The following PLEKHG5 variants were observed in gnomAD, a reference collection of about 807,000 sequenced individuals.
PLEKHG5 encodes the protein pleckstrin homology and RhoGEF domain containing G5.
A neutral mutation model predicts 103.8 loss-of-function variants in PLEKHG5; 52 were observed. That is an observed-to-expected ratio of 0.50 (90% CI 0.40 to 0.63). The LOEUF is 0.63. Among genes scored for constraint, PLEKHG5 ranks in the 30% least tolerant of loss-of-function variants. The pLI is 0.00. For synonymous variants in PLEKHG5, 592 were observed against 575.5 expected (o/e 1.03, Z -0.41); for missense variants, 1,205 against 1,347.6 (o/e 0.89, Z 1.66).
At chr1:6,519,712 C>T in exon 1 of PLEKHG5, 1 of 626,672 alleles carries the variant, frequency 1.6e-6, no homozygotes, top group East Asian at 2.7e-5. Context: ...CGCTCTCAGC[C>T]CTGCCAATTT....
At chr1:6,502,686 T>C (rs538815617) in intron 1 of PLEKHG5, among the ~76,000 whole-genome samples, 1 of 151,790 alleles carries the variant, frequency 6.6e-6, no homozygotes, top group South Asian at 2.1e-4. Context: ...AGCTATGAGA[T>C]CCCAATTCCC....
At position 6,467,969 on chromosome 1, in the gene PLEKHG5, C is replaced by T. The variant is rs773530688; in HGVS notation, c.2867G>A (p.Arg956Lys). The T allele has an allele frequency of 1.3e-5, 20 of 1,562,712 alleles. No individual in the cohort carries two copies. The Middle Eastern group carries it at 1.2e-3, about 98-fold the overall frequency. Reference protein sequence around the residue: ...AGEPAGSHRKRCGDLPSGASP... With the variant: ...AGEPAGSHRKKCGDLPSGASP... ...GGCCCCCGAGGGCAGGTCTCCACAC[C>T]TCTTCCTGTGGGAGCCTGCAGGTTC... The change falls in exon 20 of 21, where the codon AGG becomes AAG. Residue 956 changes from arginine (R) to lysine (K), a missense_variant. Physicochemically the swap from Arg to Lys is conservative, Grantham distance 26 (BLOSUM62 2). Coordinates refer to ENST00000377728, the MANE Select transcript of PLEKHG5 (RefSeq NM_020631.6).
At chr1:6,489,287 C>T (rs1272793568) in intron 1 of PLEKHG5, among the ~76,000 whole-genome samples, 2 of 152,208 alleles carry the variant, frequency 1.3e-5, no homozygotes, top group Admixed American at 6.5e-5. Flanking sequence ...ACGCTCCACC[C>T]GGCCTACCCA....
At chr1:6,485,448 G>A (rs1645007759) in intron 1 of PLEKHG5, 1 of 1,262,000 alleles carries the variant, frequency 7.9e-7, no homozygotes, top group Non-Finnish European at 1.0e-6. Flanking sequence ...CCCCATGGCG[G>A]CCGGAGGAAG....
chr1:6,497,259 G>T, upstream of PLEKHG5: 1 of 898,640 alleles, frequency 1.1e-6, no homozygotes, highest in South Asian at 1.4e-5. The surrounding 1 kb of genome is among the most constrained non-coding windows in gnomAD (Gnocchi z 6.1). Flanking sequence ...GAGGAGGTTA[G>T]GAGCCGGCCC....
chr1:6,508,045 G>A (rs1005711202), intron 1 of PLEKHG5, among the ~76,000 whole-genome samples: 4 of 152,182 alleles, frequency 2.6e-5, no homozygotes, highest in Non-Finnish European at 5.9e-5. Context: ...TCTTTGTCTG[G>A]GCTTGGTGGG....
At chr1:6,491,738 TC>T, upstream of PLEKHG5, 1 of 970,958 alleles carries the variant, frequency 1.0e-6, no homozygotes, top group Non-Finnish European at 1.2e-6. This position sits in a 1 kb window ranked among gnomAD's most constrained non-coding sequence, Gnocchi z 4.1. Context: ...CCCTGACTCA[TC>T]CCTGCCACCT....
Position 6,490,538 on chromosome 1 carries a change from G to A in PLEKHG5, c.-88+1099C>T. 1.0e-6 allele frequency: 1 copy of A among 985,474 alleles called. No individual in the cohort carries two copies. Among genetic ancestry groups the A allele is most frequent in the Non-Finnish European group, 1.2e-6 (1 of 829,972 alleles). The allele number at this position is 985,474 out of a possible 1,614,324, so 61.0% of individuals were successfully genotyped here. A position where few individuals can be genotyped will look rare whatever the true frequency, so the allele number is the denominator to read the frequency against. ...CCTCATGGGGCGCGCGGGGAGAGGGGGACGGGAGCCGCGGGACGGGCTCAG... is the reference window on the plus strand; with the variant it reads ...CCTCATGGGGCGCGCGGGGAGAGGGAGACGGGAGCCGCGGGACGGGCTCAG... On this transcript the variant is annotated intron_variant, in intron 1 of 20. Transcript: ENST00000377728. The surrounding 1 kb of genome is among the most constrained non-coding windows in gnomAD (Gnocchi z 8.0).
At chr1:6,509,616 C>T (rs1638420379) in intron 1 of PLEKHG5, among the ~76,000 whole-genome samples, 2 of 152,184 alleles carry the variant, frequency 1.3e-5, no homozygotes, top group Admixed American at 1.3e-4. Flanking sequence ...CTCCACGGGC[C>T]CCTGAACATC....
At chr1:6,471,888 G>T in intron 10 of PLEKHG5, 80 bp from the exon 11 acceptor site, 1 of 1,375,724 alleles carries the variant, frequency 7.3e-7, no homozygotes, top group South Asian at 1.2e-5. Context: ...AGGCTCCCCT[G>T]CCACTCCTTC....
At chr1:6,485,181 C>T in intron 1 of PLEKHG5, 1 of 532,334 alleles carries the variant, frequency 1.9e-6, no homozygotes, top group Non-Finnish European at 2.9e-6. Flanking sequence ...GGGGGCTCGG[C>T]CGCCATGGGC....
Position 6,474,374 on chromosome 1 carries a change from T to C in PLEKHG5, c.439+77A>G, listed in dbSNP as rs1228180280. 4.5e-6 allele frequency: 7 copies of C among 1,545,298 alleles called. No homozygotes were observed. In the East Asian group the frequency reaches 1.6e-4, roughly 36 times the overall value. On this transcript the variant is annotated intron_variant, in intron 6 of 20. Transcript: ENST00000377728. ...CTCAGGCCCACGACCAATGGGAACC[T>C]GAGCCTGGGAAGGGCGCCCATCTCC...
At chr1:6,518,211 T>C (rs551801750) in intron 1 of PLEKHG5, among the ~76,000 whole-genome samples, 43 of 150,574 alleles carry the variant, frequency 2.9e-4, no homozygotes, top group African/African-American at 8.7e-4. Flanking sequence ...GGATTACAGG[T>C]GTGAGCCACT....
chr1:6,480,246 T>C (rs1644864488), intron 1 of PLEKHG5, among the ~76,000 whole-genome samples: 1 of 151,724 alleles, frequency 6.6e-6, no homozygotes, highest in African/African-American at 2.4e-5. Flanking sequence ...ATATAAAAAA[T>C]TGCCAGGCAC....
Position 6,476,543 on chromosome 1 carries a change from G to A in PLEKHG5, c.44-507C>T, listed in dbSNP as rs535551899. Among the ~76,000 whole-genome samples the A allele has an allele frequency of 1.2e-4, 19 of 152,232 alleles. No homozygotes were observed. In the South Asian group the frequency reaches 3.9e-3, roughly 32 times the overall value. On this transcript the variant is annotated intron_variant, in intron 2 of 20. Transcript: ENST00000377728. ...GACCCAAAAGGACACAAAGGCCCTG[G>A]GATGACACCCATGGTGAAGCTCCAC...
chr1:6,488,191 G>C (rs568833541), intron 1 of PLEKHG5, among the ~76,000 whole-genome samples: 1 of 152,206 alleles, frequency 6.6e-6, no homozygotes, highest in Non-Finnish European at 1.5e-5. Flanking sequence ...ACCCCATCGT[G>C]GGAGTTCCAG....
At chr1:6,492,563 A>G (rs1031706597), upstream of PLEKHG5, among the ~76,000 whole-genome samples, 4 of 152,056 alleles carry the variant, frequency 2.6e-5, no homozygotes, top group African/African-American at 9.7e-5. Flanking sequence ...GGGCACACCC[A>G]AAGTCTAGAG....
intron 1 of PLEKHG5, among the ~76,000 whole-genome samples, chr1:6,512,429 T>C (rs148073265): frequency 9.6e-4 from 146 of 152,194 alleles, no homozygotes; most frequent in African/African-American, 3.3e-3. Context: ...TCGAGCCCAC[T>C]GGCATGGGCC....
chr1:6,471,471 C>T lies in PLEKHG5; in HGVS notation c.1281+17G>A. 1 of 1,607,298 alleles carries T rather than the reference C, an allele frequency of 6.2e-7. No homozygotes were observed. Among genetic ancestry groups the T allele is most frequent in the Non-Finnish European group, 8.5e-7 (1 of 1,177,658 alleles). On this transcript the variant is annotated intron_variant, in intron 12 of 20. Transcript: ENST00000377728. ...CCCTGCCTCAGTGCCCCCGCCTGCGCCCGGCCCCGCCCGTACCATCTTGAA... is the reference window on the plus strand; with the variant it reads ...CCCTGCCTCAGTGCCCCCGCCTGCGTCCGGCCCCGCCCGTACCATCTTGAA...
Sources: gnomAD v4.1 joint callset for allele counts (sites outside exome capture counted in the v4.1 genomes callset) on GRCh38, gnomAD v4.1.1 for gene constraint, Gnocchi (gnomAD v3.1) non-coding constraint, MANE v1.5 for transcripts, NCBI Gene and HGNC (gene_info 2026-07-23, HGNC 2026-07-21) for gene names.